PAGE2B: variants seen among roughly 807,000 people sequenced by gnomAD.
PAGE2B encodes PAGE family member 2B.
Under a neutral mutation model 7.6 loss-of-function variants are expected in PAGE2B, and 5 were observed. That is an observed-to-expected ratio of 0.66 (90% CI 0.34 to 1.38). The LOEUF (loss-of-function observed/expected upper bound fraction) is 1.38. Among genes scored for constraint, PAGE2B ranks in the 40% most tolerant of loss-of-function variants. The pLI is 0.04. For synonymous variants in PAGE2B, 29 were observed against 26.7 expected (o/e 1.09, Z -0.27); for missense variants, 70 against 78.4 (o/e 0.89, Z 0.41).
At chrX:55,049,811 G>A in the PAGE2B span, among the ~76,000 whole-genome samples, 3 of 111,325 alleles carry the variant, frequency 2.7e-5, no homozygotes, top group African/African-American at 9.8e-5. Context: ...ATCTCCTTCA[G>A]TTCTGCTCTG....
the PAGE2B span, among the ~76,000 whole-genome samples, chrX:55,048,190 C>T: frequency 3.6e-5 from 4 of 111,857 alleles, no homozygotes; most frequent in African/African-American, 9.7e-5. Flanking sequence ...TGTTTTGGTA[C>T]CAGCACCATG....
chrX:55,064,034 T>A, the PAGE2B span, among the ~76,000 whole-genome samples: 1 of 111,390 alleles, frequency 9.0e-6, no homozygotes, highest in Non-Finnish European at 1.9e-5. Context: ...GTGATGTGTC[T>A]TTGTCTGGTT....
chrX:55,035,985 G>T, the PAGE2B span, among the ~76,000 whole-genome samples: 1 of 111,520 alleles, frequency 9.0e-6, no homozygotes, highest in African/African-American at 3.3e-5. Context: ...TTGAGCAGTG[G>T]TTTGTAGTTC....
At chrX:55,052,894 G>A in the PAGE2B span, among the ~76,000 whole-genome samples, 1 of 112,673 alleles carries the variant, frequency 8.9e-6, no homozygotes, top group African/African-American at 3.2e-5. Context: ...GCTCATGCTG[G>A]GAGCTGTAGA....
At chrX:55,048,968 G>C in the PAGE2B span, among the ~76,000 whole-genome samples, 2 of 111,765 alleles carry the variant, frequency 1.8e-5, no homozygotes, top group Admixed American at 9.5e-5. Flanking sequence ...TTATTATTTT[G>C]AGATAAGTCC....
the PAGE2B span, among the ~76,000 whole-genome samples, chrX:55,041,648 G>A: frequency 1.8e-5 from 2 of 111,845 alleles, no homozygotes; most frequent in African/African-American, 6.5e-5. Flanking sequence ...CTGAGGGCTA[G>A]GGCTGAGCCT....
the PAGE2B span, among the ~76,000 whole-genome samples, chrX:55,052,434 T>C: frequency 6.2e-5 from 7 of 112,642 alleles, no homozygotes; most frequent in Non-Finnish European, 1.1e-4. Context: ...AGGCAGGCCT[T>C]CTTGAGCTGT....
chrX:55,041,002 C>T, the PAGE2B span, among the ~76,000 whole-genome samples: 1 of 109,752 alleles, frequency 9.1e-6, no homozygotes, highest in African/African-American at 3.3e-5. Context: ...TTTACCTATT[C>T]AGACTGGCAG....
chrX:55,076,163 A>G lies in PAGE2B; in HGVS notation c.84+38A>G, dbSNP rs1017832474. On this transcript the variant is annotated intron_variant, in intron 2 of 4. Transcript: ENST00000374971. ...ACATTTGATGTTTCCTATTAACACA[A>G]TTTATTTTAAGAAATATTTTTGAGC... 9 of 1,172,213 alleles carry G rather than the reference A, an allele frequency of 7.7e-6. No homozygotes were observed. In the African/African-American group the frequency reaches 1.4e-4, roughly 19 times the overall value.
chrX:55,037,714 A>C, the PAGE2B span, among the ~76,000 whole-genome samples: 2 of 110,696 alleles, frequency 1.8e-5, no homozygotes, highest in African/African-American at 6.6e-5. Context: ...ATGGAATACT[A>C]TGCAGCCATA....
the PAGE2B span, among the ~76,000 whole-genome samples, chrX:55,031,857 C>T: frequency 7.2e-5 from 8 of 111,327 alleles, no homozygotes; most frequent in African/African-American, 2.6e-4. Flanking sequence ...ATGTTATAAC[C>T]AGACAATTTC....
At chrX:55,050,113 C>T in the PAGE2B span, among the ~76,000 whole-genome samples, 5 of 112,080 alleles carry the variant, frequency 4.5e-5, no homozygotes, top group South Asian at 7.3e-4. Context: ...TGTAGTTGAG[C>T]GGTTTTCAGT....
intron 4 of PAGE2B, among the ~76,000 whole-genome samples, chrX:55,077,916 G>A (rs1403298681): frequency 1.9e-5 from 2 of 103,993 alleles, no homozygotes; most frequent in Non-Finnish European, 3.9e-5. Flanking sequence ...ATTTTACAAT[G>A]TGTATATATA....
At chrX:55,050,792 C>A in the PAGE2B span, among the ~76,000 whole-genome samples, 2 of 111,415 alleles carry the variant, frequency 1.8e-5, no homozygotes, top group Non-Finnish European at 3.8e-5. Flanking sequence ...TTAATTGGAG[C>A]ATTTAGCCCA....
At chrX:55,042,427 G>A in the PAGE2B span, among the ~76,000 whole-genome samples, 1 of 108,932 alleles carries the variant, frequency 9.2e-6, no homozygotes, top group African/African-American at 3.3e-5. Context: ...GGCCGAGGTG[G>A]GCGGATCACG....
At chrX:55,030,920 C>T in the PAGE2B span, 1 of 341,064 alleles carries the variant, frequency 2.9e-6, no homozygotes, top group Admixed American at 3.1e-5. Context: ...AGATAGGGTG[C>T]CAGGCTGAAA....
chrX:55,034,769 A>T, the PAGE2B span, among the ~76,000 whole-genome samples: 1 of 108,650 alleles, frequency 9.2e-6, no homozygotes, highest in East Asian at 2.9e-4. Context: ...GTTTATATAT[A>T]ACTCTCATAT....
chrX:55,041,706 C>T, the PAGE2B span, among the ~76,000 whole-genome samples: 2 of 111,745 alleles, frequency 1.8e-5, no homozygotes. Context: ...TGGTCTCCCC[C>T]ACAGGCTCTG....
chrX:55,053,126 C>G, the PAGE2B span, among the ~76,000 whole-genome samples: 1 of 112,123 alleles, frequency 8.9e-6, no homozygotes, highest in Non-Finnish European at 1.9e-5. Context: ...AACCCAAATG[C>G]CCATCAGTGA....
Sources: gnomAD v4.1 joint callset for allele counts (sites outside exome capture counted in the v4.1 genomes callset) on GRCh38, gnomAD v4.1.1 for gene constraint, MANE v1.5 for transcripts, NCBI Gene and HGNC (gene_info 2026-07-23, HGNC 2026-07-21) for gene names.